The following CUX1 variants were observed in gnomAD, a reference collection of about 807,000 sequenced individuals.
CUX1 encodes protein CASP.
In CUX1, 31 loss-of-function variants were observed where a neutral mutation model predicts 158.8. The ratio of observed to expected loss-of-function variants is 0.20; its 90% CI spans 0.15 to 0.26. The LOEUF is 0.26. Among genes scored for constraint, CUX1 ranks in the 10% least tolerant of loss-of-function variants. The pLI, the probability that CUX1 is intolerant of heterozygous loss-of-function variation, is 1.00. For synonymous variants in CUX1, 879 were observed against 862.1 expected, an observed-to-expected ratio of 1.02 and a Z score of -0.34; for missense variants, 1,589 against 2,014.6, an observed-to-expected ratio of 0.79 and a Z score of 4.04.
intron 2 of CUX1, among the ~76,000 whole-genome samples, chr7:102,008,773 G>A (rs752711731): frequency 6.6e-6 from 1 of 152,170 alleles, no homozygotes; most frequent in Non-Finnish European, 1.5e-5. Context: ...TACTTACGAT[G>A]AACAAAATAG....
chr7:101,825,488 G>A (rs1036139489), intron 1 of CUX1, among the ~76,000 whole-genome samples: 4 of 152,142 alleles, frequency 2.6e-5, no homozygotes, highest in Non-Finnish European at 5.9e-5. Context: ...CTGCGGAATC[G>A]TAAAGCTACC....
In CUX1 at chr7:102,030,689, G is replaced by GTGTTTTTTTTTTGTTTTTTTTGTTTTT. The variant is rs772068053; in HGVS notation, c.189+2556_189+2557insGTTTTTTTTGTTTTTTGTTTTTTTTTT. ...TCTATCTAATTTTCTATTTTAAAAA[G>GTGTTTTTTTTTTGTTTTTTTTGTTTTT]TGTTTTTTTTTTTTGAGACAGGGTC... On this transcript the variant is annotated intron_variant, in intron 3 of 23. Coordinates refer to ENST00000292535, the MANE Select transcript of CUX1 (RefSeq NM_181552.4). 4.8e-5 allele frequency among the ~76,000 whole-genome samples: 4 copies of GTGTTTTTTTTTTGTTTTTTTTGTTTTT among 82,540 alleles called. No homozygotes were observed. The Admixed American group carries it at 6.2e-4, about 13-fold the overall frequency. The allele number at this position is 82,540 out of a possible 152,430, so 54.1% of individuals were successfully genotyped here.
At chr7:102,193,952 C>T in intron 13 of CUX1, 62 bp downstream of exon 13, 2 of 1,500,576 alleles carry the variant, frequency 1.3e-6, no homozygotes, top group Non-Finnish European at 1.9e-6. Flanking sequence ...ACCACTGGTC[C>T]CTCCGGCATA....
intron 3 of CUX1, among the ~76,000 whole-genome samples, chr7:102,062,629 G>A (rs1825026959): frequency 2.6e-5 from 4 of 152,056 alleles, no homozygotes; most frequent in Admixed American, 2.0e-4. Context: ...TCCCAAAGAG[G>A]TGGGACCACA....
chr7:102,220,386 A>G (rs73412036), intron 20 of CUX1, among the ~76,000 whole-genome samples: 13,208 of 152,230 alleles, frequency 0.087, 733 homozygotes, highest in African/African-American at 0.15. Flanking sequence ...CAGGAGGCCA[A>G]ATGAGCATTG....
intron 2 of CUX1, among the ~76,000 whole-genome samples, chr7:102,027,420 A>C (rs576432488): frequency 2.6e-5 from 4 of 152,208 alleles, no homozygotes; most frequent in East Asian, 1.9e-4. Context: ...GCCCAGGTCC[A>C]TTTCAGATAG....
At position 102,249,706 on chromosome 7, in the gene CUX1, TAAA is replaced by T. The variant is rs1157597036; in HGVS notation, c.*668_*670del. ...GGGGGGTGGGATTTTTCAGAAAAAT[TAAA>T]AAAGAAAGTTTTTGTAGCTGTTCAG... is the stretch of plus-strand genomic sequence containing the variant. On this transcript the variant is annotated 3_prime_UTR_variant, in exon 24 of 24. Coordinates refer to ENST00000292535, the MANE Select transcript of CUX1 (RefSeq NM_181552.4). The T allele has an allele frequency of 2.0e-6, 2 of 983,472 alleles. No homozygotes were observed. Among genetic ancestry groups the T allele is most frequent in the Non-Finnish European group, 2.4e-6 (2 of 829,418 alleles). The allele number at this position is 983,472 out of a possible 1,614,324, so 60.9% of individuals were successfully genotyped here.
chr7:101,965,644 G>A lies in CUX1; in HGVS notation c.141+49419G>A, dbSNP rs1042116521. Among the ~76,000 whole-genome samples, 5 of 152,038 alleles carry A rather than the reference G, an allele frequency of 3.3e-5. No homozygotes were observed. The East Asian group carries it at 7.8e-4, about 24-fold the overall frequency. On this transcript the variant is annotated intron_variant, in intron 2 of 23. Coordinates refer to ENST00000292535, the MANE Select transcript of CUX1 (RefSeq NM_181552.4). ...GGGCGGATCACGAGGTCAGGAGATC[G>A]AGACCATCCTGGCTAACACAGTGAA...
At chr7:102,274,308 A>G (rs1377616487) in exon 16 of CUX1, 4 of 1,613,032 alleles carry the variant, frequency 2.5e-6, no homozygotes, top group Admixed American at 1.7e-5. Flanking sequence ...GCCCTATTCT[A>G]CGGTAAGGAG....
chr7:102,068,827 C>T (rs1415782610), intron 3 of CUX1, among the ~76,000 whole-genome samples: 2 of 152,158 alleles, frequency 1.3e-5, no homozygotes, highest in African/African-American at 4.8e-5. Context: ...CTGTAAAGTG[C>T]GATCTGTTGT....
chr7:102,204,818 A>G (rs974063209), intron 19 of CUX1, among the ~76,000 whole-genome samples: 25 of 152,268 alleles, frequency 1.6e-4, no homozygotes, highest in African/African-American at 4.8e-4. Flanking sequence ...TTACCAATTT[A>G]AAAAATGCTG....
intron 3 of CUX1, among the ~76,000 whole-genome samples, chr7:102,042,524 C>T (rs146092544): frequency 9.9e-5 from 15 of 152,252 alleles, no homozygotes; most frequent in African/African-American, 3.4e-4. Context: ...CTACTCTGGC[C>T]GAACTGGCCT....
chr7:102,167,935 G>A (rs920838896), intron 9 of CUX1, among the ~76,000 whole-genome samples: 13 of 151,956 alleles, frequency 8.6e-5, no homozygotes, highest in Admixed American at 6.6e-4. Context: ...AAAATGAGTC[G>A]GTTGTGGCAT....
chr7:102,003,295 AACACACACACACACACACACAC>A lies in CUX1; in HGVS notation c.142-24784_142-24763del, dbSNP rs56760446. 3.0e-5 allele frequency among the ~76,000 whole-genome samples: 4 copies of A among 131,972 alleles called. No individual in the cohort carries two copies. The South Asian group carries it at 7.8e-4, about 26-fold the overall frequency. The allele number at this position is 131,972 out of a possible 152,430, so 86.6% of individuals were successfully genotyped here. A position where few individuals can be genotyped will look rare whatever the true frequency, so the allele number is the denominator to read the frequency against. ...CCACTAAGCCCAGCACCTGGTGCCGAACACACACACACACACACACACACACACACACACACACACGCCCGCC... is the reference window on the plus strand; with the variant it reads ...CCACTAAGCCCAGCACCTGGTGCCGAACACACACACACACACACGCCCGCC... On this transcript the variant is annotated intron_variant, in intron 2 of 23. Coordinates refer to ENST00000292535, the MANE Select transcript of CUX1 (RefSeq NM_181552.4).
intron 8 of CUX1, among the ~76,000 whole-genome samples, chr7:102,139,326 C>G (rs1554499587): frequency 6.6e-6 from 1 of 151,800 alleles, no homozygotes; most frequent in African/African-American, 2.4e-5. Flanking sequence ...GGGAAGTGCC[C>G]TACCCTGGCA....
chr7:101,936,096 G>T (rs1047236388), intron 2 of CUX1, among the ~76,000 whole-genome samples: 1 of 152,148 alleles, frequency 6.6e-6, no homozygotes, highest in African/African-American at 2.4e-5. Context: ...CCCTGCCCTC[G>T]CGGTGCTTAC....
At chr7:101,998,435 G>T (rs1816247420) in intron 2 of CUX1, among the ~76,000 whole-genome samples, 1 of 152,202 alleles carries the variant, frequency 6.6e-6, no homozygotes, top group South Asian at 2.1e-4. Context: ...GGGTCGGGCA[G>T]GGATACGCAT....
chr7:102,029,518 G>C (rs915364547), intron 3 of CUX1, among the ~76,000 whole-genome samples: 3 of 152,154 alleles, frequency 2.0e-5, no homozygotes, highest in Non-Finnish European at 2.9e-5. Flanking sequence ...CTGGGAGCGA[G>C]AGCAGGGAGT....
rs782204757 is a variant in CUX1 at position 102,104,350 on chromosome 7, G to A, written c.421G>A (p.Ala141Thr). The A allele has an allele frequency of 4.4e-6, 7 of 1,604,796 alleles. No homozygotes were observed. Among genetic ancestry groups the A allele is most frequent in the African/African-American group, 2.7e-5 (2 of 74,416 alleles). Reference protein sequence around the residue: ...EVKNQEVTIKALKEKIREYEQ... With the variant: ...EVKNQEVTIKTLKEKIREYEQ... ...CTTTTCTGCAGAGGTTACGATAAAAGCACTTAAAGAGAAAATCCGAGAATA... is the reference window on the plus strand; with the variant it reads ...CTTTTCTGCAGAGGTTACGATAAAAACACTTAAAGAGAAAATCCGAGAATA... Residue 141 changes from alanine to threonine, a missense_variant, in exon 6 of 24, where the codon GCA (alanine) becomes ACA (threonine). By Grantham distance (58) the Ala-to-Thr change is moderately conservative. Coordinates refer to ENST00000292535, the MANE Select transcript of CUX1 (RefSeq NM_181552.4).
Sources: allele counts gnomAD v4.1 joint callset (sites outside exome capture counted in the v4.1 genomes callset), GRCh38; gene constraint gnomAD v4.1.1; transcripts MANE v1.5; gene names NCBI Gene and HGNC (gene_info 2026-07-23, HGNC 2026-07-21).